The following MED23 variants were observed in gnomAD, a reference collection of about 807,000 sequenced individuals.
The protein encoded by MED23 is mediator of RNA polymerase II transcription subunit 23.
A neutral mutation model predicts 163.9 loss-of-function variants in MED23; 105 were observed. The observed-to-expected ratio is 0.64, with a 90% CI of 0.55 to 0.75. The LOEUF (loss-of-function observed/expected upper bound fraction) is 0.75, where lower values mean the gene tolerates loss of function less well. Ranked by LOEUF, MED23 falls within the 30% of genes least tolerant of loss-of-function variation. The probability of loss-of-function intolerance (pLI) is 0.00; values close to 1 mark genes in which losing one functional copy is unlikely to be tolerated. For synonymous variants in MED23, 561 were observed against 565.6 expected (o/e 0.99, Z 0.12); for missense variants, 1,054 against 1,649.0 (o/e 0.64, Z 6.25).
rs1256529718 is a variant in MED23, at chr6:131,625,006, T to C, written c.160-17A>G. ...ATGAGACTCCTGGAAAATGAGAGAA[T>C]GATTTTACTTGGGGTCTAAAGTTAC... On this transcript the variant is annotated splice_polypyrimidine_tract_variant and intron_variant, in intron 3 of 28. Transcript: ENST00000368068. 6.2e-7 allele frequency: 1 copy of C among 1,612,704 alleles called. No homozygotes were observed. The highest frequency in any genetic ancestry group is 8.5e-7 in the Non-Finnish European group (1 of 1,179,648).
intron 6 of MED23, among the ~76,000 whole-genome samples, chr6:131,621,367 T>C (rs921807117): frequency 4.0e-5 from 6 of 151,894 alleles, no homozygotes; most frequent in African/African-American, 7.2e-5. Flanking sequence ...ACACAGACAA[T>C]TGCTACTTGT....
In MED23 at chr6:131,592,970, A is replaced by C. The variant is rs543672754; in HGVS notation, c.3398+36T>G. On this transcript the variant is annotated intron_variant, in intron 24 of 28. Coordinates refer to ENST00000368068, the MANE Select transcript of MED23 (RefSeq NM_004830.4). ...TAGAATACCATTCTATTTACAAATAAACAACAAATCTTACTGCATGAACCA... is the reference window on the plus strand; with the variant it reads ...TAGAATACCATTCTATTTACAAATACACAACAAATCTTACTGCATGAACCA... 7.9e-5 allele frequency: 127 copies of C among 1,612,210 alleles called. 1 individual carries two copies. The South Asian group carries it at 1.3e-3, about 17-fold the overall frequency.
chr6:131,592,279 T>C, intron 25 of MED23, 109 bp downstream of exon 25: 1 of 904,004 alleles, frequency 1.1e-6, no homozygotes, highest in Non-Finnish European at 1.8e-6. Context: ...TTCATTAATT[T>C]GCATGACGTC....
At chr6:131,615,503 CA>C (rs917020235) in intron 10 of MED23, among the ~76,000 whole-genome samples, 28 of 14,154 alleles carry the variant, frequency 2.0e-3, no homozygotes, top group East Asian at 7.7e-3. Flanking sequence ...AAACACACAC[CA>C]AAAAAAAAAA....
rs776939220 is a variant in MED23 at position 131,581,284 on chromosome 6, A to AT, written c.4095+6424dup. 1.9e-6 allele frequency: 3 copies of AT among 1,613,936 alleles called. No individual in the cohort carries two copies. On this transcript the variant is annotated intron_variant, in intron 30 of 30. Coordinates refer to the MED23 transcript ENST00000354577. ...CCTGATCTTGGAGTCATCTGGGTGG[A>AT]TGCTCACACTGATATCAACACTCCA... is the stretch of plus-strand genomic sequence containing the variant.
intron 9 of MED23, among the ~76,000 whole-genome samples, chr6:131,617,464 C>CT (rs11289798): frequency 8.7e-4 from 125 of 142,864 alleles, no homozygotes; most frequent in Non-Finnish European, 9.9e-4. Context: ...CATTAAATTT[C>CT]TTTTTTTTTT....
At chr6:131,617,211 T>C (rs1455303469) in intron 9 of MED23, among the ~76,000 whole-genome samples, 1 of 151,474 alleles carries the variant, frequency 6.6e-6, no homozygotes, top group Non-Finnish European at 1.5e-5. Context: ...CTAGAGCACA[T>C]CGTTTTCATT....
At chr6:131,582,965 T>C (rs1774011346), downstream of MED23, 18 of 918,856 alleles carry the variant, frequency 2.0e-5, no homozygotes, top group African/African-American at 1.4e-4. Flanking sequence ...CCTAAATGTT[T>C]TATATATTTT....
At chr6:131,601,592 C>T (rs1287713046) in intron 17 of MED23, among the ~76,000 whole-genome samples, 1 of 152,106 alleles carries the variant, frequency 6.6e-6, no homozygotes, top group African/African-American at 2.4e-5. Context: ...TATTAAAATA[C>T]TCCTCTCTTT....
At chr6:131,622,934 A>C (rs912660122) in intron 5 of MED23, among the ~76,000 whole-genome samples, 47 of 152,198 alleles carry the variant, frequency 3.1e-4, no homozygotes, top group African/African-American at 1.1e-3. Context: ...CAAGAGCCCA[A>C]AGTGCTGAAG....
chr6:131,587,378 G>A lies in MED23; in HGVS notation c.*301C>T, dbSNP rs1308809921. The A allele has an allele frequency of 8.4e-7, 1 of 1,188,416 alleles. No homozygotes were observed. Among genetic ancestry groups the A allele is most frequent in the Non-Finnish European group, 1.0e-6 (1 of 957,376 alleles). The allele number at this position is 1,188,416 out of a possible 1,614,324, so 73.6% of individuals were successfully genotyped here. ...AACAACGGCTAGAATAGGAAAGACTGAAAGTGCCAATGACAAGTCATTTGA... is the reference window on the plus strand; with the variant it reads ...AACAACGGCTAGAATAGGAAAGACTAAAAGTGCCAATGACAAGTCATTTGA... On this transcript the variant is annotated 3_prime_UTR_variant, in exon 29 of 29. Transcript: ENST00000368068.
downstream of MED23, among the ~76,000 whole-genome samples, chr6:131,586,250 A>T (rs1216343972): frequency 6.6e-6 from 1 of 152,056 alleles, no homozygotes; most frequent in African/African-American, 2.4e-5. Context: ...AATACAAAAA[A>T]TTAGCCAGGC....
chr6:131,608,097 G>C, intron 11 of MED23, 26 bp from the exon 12 acceptor site: 3 of 1,612,082 alleles, frequency 1.9e-6, no homozygotes, highest in Non-Finnish European at 1.7e-6. Context: ...AAATACACAT[G>C]TATACACTGC....
At chr6:131,592,623 C>G in intron 24 of MED23, 163 bp from the exon 25 acceptor site, 1 of 666,084 alleles carries the variant, frequency 1.5e-6, no homozygotes, top group Non-Finnish European at 2.6e-6. Context: ...ATGTAATATG[C>G]ATAAAAACTC....
chr6:131,575,981 G>A (rs1383595107), intron 30 of MED23, among the ~76,000 whole-genome samples: 2 of 152,112 alleles, frequency 1.3e-5, no homozygotes, highest in African/African-American at 2.4e-5. Flanking sequence ...GTACATGCAC[G>A]TAGGTCTCTT....
At chr6:131,582,782 G>A, downstream of MED23, 2 of 1,333,790 alleles carry the variant, frequency 1.5e-6, no homozygotes, top group Non-Finnish European at 2.2e-6. Flanking sequence ...ATGCTTTACT[G>A]ACCAACTCTA....
At chr6:131,615,464 T>G in intron 10 of MED23, 2 of 428,982 alleles carry the variant, frequency 4.7e-6, no homozygotes, top group Non-Finnish European at 8.5e-6. Flanking sequence ...GCACAAACCC[T>G]CCCACATGTT....
chr6:131,612,784 A>G (rs1240472927), intron 10 of MED23, among the ~76,000 whole-genome samples: 2 of 152,146 alleles, frequency 1.3e-5, no homozygotes, highest in African/African-American at 2.4e-5. Flanking sequence ...AAACATTAAT[A>G]TTAACCCTCG....
Position 131,619,923 on chromosome 6 carries a change from C to A in MED23, c.598-27G>T. ...TAAAGAGAGAAAGAAAGAGGGAAGTCAAATAAATACGTACAAAAGGAAAAT... is the reference window on the plus strand; with the variant it reads ...TAAAGAGAGAAAGAAAGAGGGAAGTAAAATAAATACGTACAAAAGGAAAAT... On this transcript the variant is annotated intron_variant, in intron 7 of 28. Coordinates refer to ENST00000368068, the MANE Select transcript of MED23 (RefSeq NM_004830.4). 3.4e-6 allele frequency: 5 copies of A among 1,472,168 alleles called. No homozygotes were observed. The South Asian group carries it at 5.7e-5, about 17-fold the overall frequency. 91.2% of individuals were successfully genotyped at this position (1,472,168 alleles called of 1,614,324 possible). A position where few individuals can be genotyped will look rare whatever the true frequency, so the allele number is the denominator to read the frequency against.
Sources: allele counts gnomAD v4.1 joint callset (sites outside exome capture counted in the v4.1 genomes callset), GRCh38; gene constraint gnomAD v4.1.1; transcripts MANE v1.5; gene names NCBI Gene and HGNC (gene_info 2026-07-23, HGNC 2026-07-21).